The following ZNF226 variants were observed in gnomAD, a reference collection of about 807,000 sequenced individuals.
The protein encoded by ZNF226 is Kruppel-associated box protein.
In ZNF226, 6 loss-of-function variants were observed where a neutral mutation model predicts 11.4. The observed-to-expected ratio is 0.53, with a 90% CI of 0.29 to 1.04. The LOEUF (loss-of-function observed/expected upper bound fraction) is 1.04, where lower values mean the gene tolerates loss of function less well. Ranked by LOEUF, ZNF226 falls within the 50% of genes least tolerant of loss-of-function variation. The pLI, the probability that ZNF226 is intolerant of heterozygous loss-of-function variation, is 0.08. For missense variants in ZNF226, 1,058 were observed against 956.5 expected (o/e 1.11, Z -1.40); for synonymous variants, 350 against 322.8 (o/e 1.08, Z -0.90).
At chr19:44,183,442 A>G in the ZNF226 span, among the ~76,000 whole-genome samples, 1 of 152,206 alleles carries the variant, frequency 6.6e-6, no homozygotes, top group Non-Finnish European at 1.5e-5. Flanking sequence ...TTTGCCAAGG[A>G]CAAACACTAT....
the ZNF226 span, among the ~76,000 whole-genome samples, chr19:44,189,507 G>T: frequency 6.6e-6 from 1 of 152,162 alleles, no homozygotes; most frequent in Non-Finnish European, 1.5e-5. Flanking sequence ...TTTGTCATCT[G>T]ATATCTCATG....
At chr19:44,197,507 A>G in the ZNF226 span, among the ~76,000 whole-genome samples, 1 of 152,214 alleles carries the variant, frequency 6.6e-6, no homozygotes, top group Non-Finnish European at 1.5e-5. Flanking sequence ...CATATTGGTC[A>G]AAAGATATAA....
chr19:44,182,853 C>A (rs889463328), downstream of ZNF226, among the ~76,000 whole-genome samples: 1 of 152,060 alleles, frequency 6.6e-6, no homozygotes, highest in African/African-American at 2.4e-5. Context: ...TTGTGGTGTC[C>A]CTCTGGCTGA....
At position 44,172,156 on chromosome 19, in the gene ZNF226, C is replaced by T. The variant is rs527888859; in HGVS notation, c.84C>T (p.Ala28=). ...AGGAATTGGGGCTGCTGGGCCCTGCCCAGAGGAAGCTGTACCGAGATGTGA... is the reference window on the plus strand; with the variant it reads ...AGGAATTGGGGCTGCTGGGCCCTGCTCAGAGGAAGCTGTACCGAGATGTGA... ...TEEELGLLGP[A]QRKLYRDVMV... Residue 28 remains alanine, a synonymous_variant, in exon 4 of 6, where the codon GCC becomes GCT. Coordinates refer to ENST00000337433, the MANE Select transcript of ZNF226 (RefSeq NM_001032373.2). 6.2e-7 allele frequency: 1 copy of T among 1,613,232 alleles called. No homozygotes were observed. The highest frequency in any genetic ancestry group is 8.5e-7 in the Non-Finnish European group (1 of 1,179,454).
chr19:44,175,591 A>G lies in ZNF226; in HGVS notation c.329A>G (p.Asp110Gly). 6.2e-7 allele frequency: 1 copy of G among 1,613,686 alleles called. No individual in the cohort carries two copies. Among genetic ancestry groups the G allele is most frequent in the Admixed American group, 1.7e-5 (1 of 59,952 alleles). ...CWQIWQQIAN[D>G]LTRCQDSMIN... is the part of the protein sequence containing the mutation. ...CAAATCTGGCAACAAATTGCAAATGACTTAACCAGGTGTCAAGACTCCATG... is the reference window on the plus strand; with the variant it reads ...CAAATCTGGCAACAAATTGCAAATGGCTTAACCAGGTGTCAAGACTCCATG... Residue 110 changes from aspartate to glycine, a missense_variant, in exon 6 of 6, where the codon GAC becomes GGC. Asp to Gly is a moderately conservative substitution (Grantham distance 94). Coordinates refer to ENST00000337433, the MANE Select transcript of ZNF226 (RefSeq NM_001032373.2).
At position 44,175,471 on chromosome 19, in the gene ZNF226, A is replaced by G. The variant is rs369298302; in HGVS notation, c.236-27A>G. The G allele has an allele frequency of 5.2e-6, 8 of 1,536,440 alleles. No individual in the cohort carries two copies. The East Asian group carries it at 6.8e-5, about 13-fold the overall frequency. ...AAATCTTTGAACAAAAAAATTCACT[A>G]TCTCTCTGAATCCTTTGTCCTTACA... On this transcript the variant is annotated intron_variant, in intron 5 of 5. Coordinates refer to ENST00000337433, the MANE Select transcript of ZNF226 (RefSeq NM_001032373.2).
At chr19:44,198,722 C>T in the ZNF226 span, among the ~76,000 whole-genome samples, 29 of 152,320 alleles carry the variant, frequency 1.9e-4, no homozygotes, top group African/African-American at 6.7e-4. Flanking sequence ...CTAAGGTAGA[C>T]CTGTTCAGGG....
rs1970482917 is a variant in ZNF226 at position 44,174,453 on chromosome 19, T to C, written c.236-1045T>C. The C allele has an allele frequency of 2.0e-5, 3 of 152,378 alleles. No individual in the cohort carries two copies. In the South Asian group the frequency reaches 6.2e-4, roughly 32 times the overall value. The allele number at this position is 152,378 out of a possible 1,614,324, so 9.4% of individuals were successfully genotyped here. On this transcript the variant is annotated intron_variant, in intron 5 of 5. Coordinates refer to ENST00000337433, the MANE Select transcript of ZNF226 (RefSeq NM_001032373.2). ...ATGAGCATTAGCCTTTCCCTCAAAA[T>C]GTTTGCACAGTTGCATCCCATTTGC...
rs1446862630 is a variant in ZNF226, at chr19:44,176,359, A to T, written c.1097A>T (p.Glu366Val). Residue 366 changes from glutamate (E) to valine (V), a missense_variant, in exon 6 of 6, where the codon GAG (glutamate) becomes GTG (valine). Transcript: ENST00000337433. ...VHTAEKPYNC[E>V]ECGRAFSQAS... ...ACGGCAGAGAAACCTTATAATTGTG[A>T]GGAGTGTGGGAGGGCCTTCAGTCAG... is the stretch of plus-strand genomic sequence containing the variant. 4.3e-6 allele frequency: 7 copies of T among 1,614,226 alleles called. No individual in the cohort carries two copies. The South Asian group carries it at 5.5e-5, about 13-fold the overall frequency.
At chr19:44,194,655 G>A in the ZNF226 span, among the ~76,000 whole-genome samples, 8 of 152,130 alleles carry the variant, frequency 5.3e-5, no homozygotes, top group Non-Finnish European at 1.2e-4. Context: ...TTAAAAAAAT[G>A]TGAGTTAACT....
intron 3 of ZNF226, among the ~76,000 whole-genome samples, chr19:44,170,666 G>A (rs867318690): frequency 2.6e-5 from 4 of 152,134 alleles, no homozygotes; most frequent in Admixed American, 6.5e-5. Context: ...CCTGGGAGGC[G>A]GAGCTTGCAG....
At chr19:44,186,152 T>A in the ZNF226 span, among the ~76,000 whole-genome samples, 3 of 152,060 alleles carry the variant, frequency 2.0e-5, no homozygotes, top group Admixed American at 2.0e-4. Context: ...TTACTGCTGC[T>A]TTTGAAGTAT....
chr19:44,194,802 T>C, the ZNF226 span, among the ~76,000 whole-genome samples: 1 of 152,192 alleles, frequency 6.6e-6, no homozygotes, highest in South Asian at 2.1e-4. Flanking sequence ...CAAAAAGATA[T>C]TTTCCCTTTT....
Position 44,176,869 on chromosome 19 carries a change from G to T in ZNF226, c.1607G>T (p.Cys536Phe). 1.2e-6 allele frequency: 2 copies of T among 1,614,126 alleles called. No individual in the cohort carries two copies. The highest frequency in any genetic ancestry group is 4.5e-5 in the East Asian group (2 of 44,870). ...GAGAAACCCTATAAATGTGAGATAT[G>T]TGGGAAGGGCTTCAGTCAAAGTTCG... Reference protein sequence around the residue: ...TGEKPYKCEICGKGFSQSSYL... With the variant: ...TGEKPYKCEIFGKGFSQSSYL... The change falls in exon 6 of 6, where the codon TGT (cysteine) becomes TTT (phenylalanine). Residue 536 changes from cysteine (C) to phenylalanine (F), a missense_variant. Coordinates refer to ENST00000337433, the MANE Select transcript of ZNF226 (RefSeq NM_001032373.2).
At chr19:44,167,467 C>T (rs1181802827) in intron 2 of ZNF226, among the ~76,000 whole-genome samples, 2 of 151,534 alleles carry the variant, frequency 1.3e-5, no homozygotes, top group African/African-American at 4.9e-5. Flanking sequence ...TACAGGCACC[C>T]GCCACCACAC....
chr19:44,179,400 A>G (rs1156627388), downstream of ZNF226, among the ~76,000 whole-genome samples: 1 of 152,222 alleles, frequency 6.6e-6, no homozygotes, highest in Non-Finnish European at 1.5e-5. Flanking sequence ...AATTACTAGA[A>G]TATATTAATC....
chr19:44,174,761 G>A (rs1373654702), intron 5 of ZNF226: 1 of 367,972 alleles, frequency 2.7e-6, no homozygotes, highest in Non-Finnish European at 4.8e-6. Context: ...TCTATACCTT[G>A]CTTTCAAAGA....
chr19:44,182,895 G>A (rs1970928776), downstream of ZNF226, among the ~76,000 whole-genome samples: 1 of 152,154 alleles, frequency 6.6e-6, no homozygotes, highest in African/African-American at 2.4e-5. Flanking sequence ...ATCCCTGCTT[G>A]ATTTGAATAA....
chr19:44,179,438 C>T (rs10417182), downstream of ZNF226, among the ~76,000 whole-genome samples: 1,863 of 152,190 alleles, frequency 0.012, 43 homozygotes, highest in African/African-American at 0.043. Flanking sequence ...CTTGTGTCAT[C>T]ATATAGCATA....
Sources: allele counts gnomAD v4.1 joint callset (sites outside exome capture counted in the v4.1 genomes callset), GRCh38; gene constraint gnomAD v4.1.1; transcripts MANE v1.5; gene names NCBI Gene and HGNC (gene_info 2026-07-23, HGNC 2026-07-21).